Variants in SEMA5A observed in about 807,000 individuals in gnomAD.
The protein encoded by SEMA5A is semaphorin 5A.
SEMA5A carries 55 observed loss-of-function variants against 135.5 expected under a neutral mutation model. That is an observed-to-expected ratio of 0.41 (90% CI 0.33 to 0.51). The LOEUF is 0.51. SEMA5A is among the 20% of genes least tolerant of loss of function. The pLI, the probability that SEMA5A is intolerant of heterozygous loss-of-function variation, is 0.37. For synonymous variants in SEMA5A, 580 were observed against 546.5 expected (o/e 1.06, Z -0.85); for missense variants, 1,290 against 1,419.9 (o/e 0.91, Z 1.47).
At position 9,063,020 on chromosome 5, in the gene SEMA5A, C is replaced by T; in HGVS notation, c.2385G>A (p.Gln795=). ...GAWSAWTSWS[Q]CSRDCSRGIR... is the part of the protein sequence containing the mutation. Reference sequence around the variant, plus strand: ...TGCCCCTGCTGCAGTCACGGCTGCACTGTGACCACGACGTCCAGGCTGACC... The same window carrying T: ...TGCCCCTGCTGCAGTCACGGCTGCATTGTGACCACGACGTCCAGGCTGACC... Residue 795 remains glutamine (Q), a synonymous_variant, in exon 18 of 23, where the codon CAG becomes CAA. Coordinates refer to ENST00000382496, the MANE Select transcript of SEMA5A (RefSeq NM_003966.3). 1 of 1,614,230 alleles carries T rather than the reference C, an allele frequency of 6.2e-7. No individual in the cohort carries two copies. The highest frequency in any genetic ancestry group is 8.5e-7 in the Non-Finnish European group (1 of 1,180,032).
chr5:9,325,262 C>T (rs1752819454), intron 4 of SEMA5A, among the ~76,000 whole-genome samples: 1 of 150,790 alleles, frequency 6.6e-6, no homozygotes, highest in South Asian at 2.1e-4. Context: ...TCTCAAATGC[C>T]ATGGAATAAA....
intron 1 of SEMA5A, among the ~76,000 whole-genome samples, chr5:9,496,283 G>A (rs1409337210): frequency 1.3e-5 from 2 of 152,242 alleles, no homozygotes; most frequent in African/African-American, 4.8e-5. Flanking sequence ...GACCTCAGAT[G>A]ATCTGTCCAC....
At chr5:9,402,945 C>T (rs1236226128) in intron 2 of SEMA5A, among the ~76,000 whole-genome samples, 2 of 152,194 alleles carry the variant, frequency 1.3e-5, no homozygotes, top group African/African-American at 2.4e-5. Context: ...CAAGATGCAA[C>T]ACAAACTCAC....
intron 5 of SEMA5A, among the ~76,000 whole-genome samples, chr5:9,303,772 C>T (rs1395946794): frequency 1.3e-5 from 2 of 152,126 alleles, no homozygotes; most frequent in African/African-American, 4.8e-5. Flanking sequence ...TTAAAAATCA[C>T]TTAATCAGAA....
chr5:9,315,607 C>T (rs550407743), intron 5 of SEMA5A, among the ~76,000 whole-genome samples: 81 of 152,204 alleles, frequency 5.3e-4, no homozygotes, highest in African/African-American at 1.8e-3. Flanking sequence ...TTCATGACTT[C>T]GTGATATCTG....
chr5:9,140,435 G>A (rs1742003590), intron 12 of SEMA5A, among the ~76,000 whole-genome samples: 1 of 152,212 alleles, frequency 6.6e-6, no homozygotes, highest in Non-Finnish European at 1.5e-5. Flanking sequence ...CTTTGCATGT[G>A]CAGTGTTGTT....
chr5:9,294,871 C>T (rs1407575598), intron 5 of SEMA5A, among the ~76,000 whole-genome samples: 1 of 152,190 alleles, frequency 6.6e-6, no homozygotes, highest in Non-Finnish European at 1.5e-5. Flanking sequence ...CATCCCTCCC[C>T]TCCTTCTCTT....
intron 11 of SEMA5A, among the ~76,000 whole-genome samples, chr5:9,183,195 G>A (rs1205006126): frequency 6.6e-6 from 1 of 152,076 alleles, no homozygotes. Flanking sequence ...TGTTACCATG[G>A]GGCTCTTCCT....
rs559540506 is a variant in SEMA5A at position 9,380,014 on chromosome 5, T to C, written c.-68A>G. The C allele has an allele frequency of 1.3e-6, 2 of 1,530,274 alleles. No homozygotes were observed. Among genetic ancestry groups the C allele is most frequent in the Admixed American group, 2.1e-5 (1 of 47,280 alleles). 94.8% of individuals were successfully genotyped at this position (1,530,274 alleles called of 1,614,324 possible). The stretch of plus-strand genomic sequence containing the variant: ...CAGAAGCTCTTCTTCTCCTCATGTG[T>C]GGAAAGTGCCTAAAACACACAAAAG... On this transcript the variant is annotated 5_prime_UTR_variant, in exon 3 of 23. Transcript: ENST00000382496.
intron 11 of SEMA5A, among the ~76,000 whole-genome samples, chr5:9,158,442 A>G (rs1253423477): frequency 6.6e-6 from 1 of 152,172 alleles, no homozygotes. Context: ...TTTGCATGAA[A>G]AAAAGTGCCA....
chr5:9,088,847 T>C (rs1738875710), intron 16 of SEMA5A, among the ~76,000 whole-genome samples: 9 of 152,036 alleles, frequency 5.9e-5, no homozygotes, highest in Admixed American at 5.9e-4. Flanking sequence ...TTCTCTGATA[T>C]TTGGAAAAGT....
At chr5:9,053,709 C>T in intron 19 of SEMA5A, 2 of 161,378 alleles carry the variant, frequency 1.2e-5, no homozygotes, top group Non-Finnish European at 2.7e-5. Context: ...GGACTTTCTC[C>T]CTCAACACAG....
At chr5:9,134,253 C>T (rs1024788027) in intron 13 of SEMA5A, among the ~76,000 whole-genome samples, 3 of 152,134 alleles carry the variant, frequency 2.0e-5, no homozygotes, top group African/African-American at 7.2e-5. Context: ...TCAAGCAATC[C>T]TCCCACATCA....
chr5:9,046,028 C>T (rs1323769272), intron 21 of SEMA5A: 3 of 152,254 alleles, frequency 2.0e-5, no homozygotes, highest in Non-Finnish European at 4.4e-5. Context: ...CACTGGGCTT[C>T]AGGAGAATTG....
intron 1 of SEMA5A, among the ~76,000 whole-genome samples, chr5:9,462,344 A>G (rs997295185): frequency 6.6e-6 from 1 of 152,184 alleles, no homozygotes. Context: ...GCGTGGTTAC[A>G]GAGAAAACCA....
At chr5:9,105,356 G>T (rs1644012985) in intron 16 of SEMA5A, among the ~76,000 whole-genome samples, 1 of 152,202 alleles carries the variant, frequency 6.6e-6, no homozygotes, top group Non-Finnish European at 1.5e-5. Flanking sequence ...TAAAGTGTTG[G>T]CAGAAGCAGA....
At chr5:9,528,556 T>C (rs1390023406) in intron 1 of SEMA5A, among the ~76,000 whole-genome samples, 2 of 152,194 alleles carry the variant, frequency 1.3e-5, no homozygotes, top group Non-Finnish European at 1.5e-5. Context: ...AGTGGTCCTA[T>C]GCCTGTCCTT....
chr5:9,248,166 C>G (rs1748573988), intron 5 of SEMA5A, among the ~76,000 whole-genome samples: 1 of 151,992 alleles, frequency 6.6e-6, no homozygotes, highest in Non-Finnish European at 1.5e-5. Context: ...AGAAAAAAGT[C>G]CAAAAGCATT....
chr5:9,376,857 C>G (rs1755381355), intron 3 of SEMA5A, among the ~76,000 whole-genome samples: 1 of 152,146 alleles, frequency 6.6e-6, no homozygotes, highest in South Asian at 2.1e-4. Context: ...AGTGGTGCAA[C>G]CTCTATGAAA....
Sources: allele counts gnomAD v4.1 joint callset (sites outside exome capture counted in the v4.1 genomes callset), GRCh38; gene constraint gnomAD v4.1.1; transcripts MANE v1.5; gene names NCBI Gene and HGNC (gene_info 2026-07-23, HGNC 2026-07-21).